The following SH3PXD2A variants were observed in gnomAD, a reference collection of about 807,000 sequenced individuals.
SH3PXD2A encodes the protein SH3 and PX domain-containing protein 2A.
Under a neutral mutation model 115.2 loss-of-function variants are expected in SH3PXD2A, and 32 were observed. The observed-to-expected ratio is 0.28, with a 90% CI of 0.21 to 0.37. The LOEUF is 0.37. SH3PXD2A is among the 10% of genes least tolerant of loss of function. The probability of loss-of-function intolerance (pLI) is 1.00; values close to 1 mark genes in which losing one functional copy is unlikely to be tolerated. For synonymous variants in SH3PXD2A, 610 were observed against 629.1 expected (o/e 0.97, Z 0.45); for missense variants, 1,328 against 1,498.7 (o/e 0.89, Z 1.88).
intron 1 of SH3PXD2A, among the ~76,000 whole-genome samples, chr10:103,846,509 C>A (rs1274592526): frequency 1.3e-5 from 2 of 152,184 alleles, no homozygotes; most frequent in East Asian, 3.8e-4. Flanking sequence ...GGGTCAGGAA[C>A]AACTCACTTT....
At chr10:103,630,122 C>T (rs2036757001) in intron 8 of SH3PXD2A, among the ~76,000 whole-genome samples, 1 of 152,284 alleles carries the variant, frequency 6.6e-6, no homozygotes, top group Admixed American at 6.5e-5. Flanking sequence ...CCTGGAGCAG[C>T]ACCACCATCC....
intron 1 of SH3PXD2A, among the ~76,000 whole-genome samples, chr10:103,852,720 T>C (rs1842907735): frequency 6.6e-6 from 1 of 152,250 alleles, no homozygotes; most frequent in Non-Finnish European, 1.5e-5. Context: ...CCTGCCCCTG[T>C]CTGTCCCACC....
At chr10:103,758,007 G>A (rs1564881923) in intron 3 of SH3PXD2A, among the ~76,000 whole-genome samples, 4 of 152,164 alleles carry the variant, frequency 2.6e-5, no homozygotes, top group Admixed American at 6.5e-5. Flanking sequence ...GTCCTCTCCC[G>A]TTGCACGCCA....
At chr10:103,622,045 G>A (rs930025889) in intron 10 of SH3PXD2A, among the ~76,000 whole-genome samples, 22 of 152,194 alleles carry the variant, frequency 1.4e-4, no homozygotes, top group South Asian at 2.1e-4. Context: ...AACTTTGGCC[G>A]AGGGAGCATT....
At chr10:103,823,540 A>T (rs772595884) in intron 1 of SH3PXD2A, among the ~76,000 whole-genome samples, 1 of 152,218 alleles carries the variant, frequency 6.6e-6, no homozygotes, top group African/African-American at 2.4e-5. Context: ...ACAGCCATAC[A>T]TCATTAAGCC....
intron 4 of SH3PXD2A, among the ~76,000 whole-genome samples, chr10:103,727,257 G>T (rs1214761455): frequency 6.6e-6 from 1 of 152,240 alleles, no homozygotes; most frequent in African/African-American, 2.4e-5. Flanking sequence ...GGTCAGATGG[G>T]TGGAGCATGC....
chr10:103,601,927 G>T lies in SH3PXD2A; in HGVS notation c.3291C>A (p.Ser1097=). 6.2e-7 allele frequency: 1 copy of T among 1,613,928 alleles called. No individual in the cohort carries two copies. The highest frequency in any genetic ancestry group is 1.1e-5 in the South Asian group (1 of 91,066). ...EETAGFQEGV[S]MEVLERNPNG... is the part of the protein sequence containing the mutation. ...TAGGGTTCCTCTCCAGAACCTCCAT[G>T]GACACCCCCTCCTGGAAGCCTGCTG... Residue 1097 remains serine, a synonymous_variant, in exon 15 of 15, where the codon TCC becomes TCA. Coordinates refer to ENST00000369774, the MANE Select transcript of SH3PXD2A (RefSeq NM_001394015.1).
At chr10:103,742,352 G>A (rs1002875104) in intron 3 of SH3PXD2A, among the ~76,000 whole-genome samples, 2 of 152,086 alleles carry the variant, frequency 1.3e-5, no homozygotes, top group Non-Finnish European at 2.9e-5. Context: ...TGGCCTTCCC[G>A]CCCCATGCCT....
At chr10:103,719,940 A>T (rs2038161678) in intron 5 of SH3PXD2A, among the ~76,000 whole-genome samples, 1 of 152,050 alleles carries the variant, frequency 6.6e-6, no homozygotes, top group South Asian at 2.1e-4. Flanking sequence ...GGCTGATTTC[A>T]AAGTCCTGAC....
Position 103,666,540 on chromosome 10 carries a change from A to G in SH3PXD2A, c.472+2068T>C, listed in dbSNP as rs2037385708. ...GGTGCCTCAGGACATGACATGGGAC[A>G]TAGTAATTACCTGAAATTCATGATG... On this transcript the variant is annotated intron_variant, in intron 7 of 14. Transcript: ENST00000369774. The surrounding 1 kb of genome is among the most constrained non-coding windows in gnomAD (Gnocchi z 4.5). 6.6e-6 allele frequency among the ~76,000 whole-genome samples: 1 copy of G among 152,340 alleles called. No homozygotes were observed. The highest frequency in any genetic ancestry group is 1.5e-5 in the Non-Finnish European group (1 of 68,034).
At chr10:103,693,870 G>A (rs2037792328) in intron 5 of SH3PXD2A, among the ~76,000 whole-genome samples, 1 of 152,176 alleles carries the variant, frequency 6.6e-6, no homozygotes, top group African/African-American at 2.4e-5. Context: ...GGGTTCAAAT[G>A]CTGTCAGAGA....
intron 6 of SH3PXD2A, among the ~76,000 whole-genome samples, chr10:103,674,929 C>T (rs1178609246): frequency 1.3e-5 from 2 of 152,196 alleles, no homozygotes; most frequent in Non-Finnish European, 2.9e-5. Context: ...GTATGACTTC[C>T]AATCCAAGCA....
chr10:103,730,158 A>G (rs1020013180), intron 4 of SH3PXD2A, among the ~76,000 whole-genome samples: 1 of 151,198 alleles, frequency 6.6e-6, no homozygotes, highest in African/African-American at 2.4e-5. Flanking sequence ...TTGGCAAAAC[A>G]CTACAGGTGC....
chr10:103,661,620 C>T, intron 7 of SH3PXD2A: 1 of 978,814 alleles, frequency 1.0e-6, no homozygotes, highest in African/African-American at 1.7e-5. Context: ...CAGCCTCTGC[C>T]CCCAACCCCT....
At chr10:103,668,699 GA>G (rs2134078055) in intron 6 of SH3PXD2A, 47 bp from the exon 7 acceptor site, 8 of 1,525,248 alleles carry the variant, frequency 5.2e-6, no homozygotes, top group Non-Finnish European at 6.2e-6. Flanking sequence ...GAGAACCAGA[GA>G]GAGAGAACGG....
Position 103,598,668 on chromosome 10 carries a change from A to G in SH3PXD2A, c.*3148T>C, listed in dbSNP as rs1330761228. 1 of 152,624 alleles carries G rather than the reference A, an allele frequency of 6.6e-6. No individual in the cohort carries two copies. The highest frequency in any genetic ancestry group is 1.5e-5 in the Non-Finnish European group (1 of 68,028). 9.5% of individuals were successfully genotyped at this position (152,624 alleles called of 1,614,324 possible). A position where few individuals can be genotyped will look rare whatever the true frequency, so the allele number is the denominator to read the frequency against. On this transcript the variant is annotated 3_prime_UTR_variant, in exon 15 of 15. Coordinates refer to ENST00000369774, the MANE Select transcript of SH3PXD2A (RefSeq NM_001394015.1). ...TCTGGTTTTCCTCCAGATGGGTCAGAGCCCTAGGCCCCCTCCCTCCTCTGC... is the reference window on the plus strand; with the variant it reads ...TCTGGTTTTCCTCCAGATGGGTCAGGGCCCTAGGCCCCCTCCCTCCTCTGC...
chr10:103,794,993 G>A (rs2039072619), intron 2 of SH3PXD2A, among the ~76,000 whole-genome samples: 1 of 152,160 alleles, frequency 6.6e-6, no homozygotes, highest in African/African-American at 2.4e-5. Flanking sequence ...GGGCTGGGAG[G>A]TGACAGATCA....
At chr10:103,711,502 C>T (rs2038046333) in intron 5 of SH3PXD2A, among the ~76,000 whole-genome samples, 1 of 152,224 alleles carries the variant, frequency 6.6e-6, no homozygotes, top group South Asian at 2.1e-4. Flanking sequence ...CCTCCCCCTT[C>T]ACCCTGGGCG....
At chr10:103,681,567 A>T (rs991029763) in intron 6 of SH3PXD2A, among the ~76,000 whole-genome samples, 2 of 152,250 alleles carry the variant, frequency 1.3e-5, no homozygotes, top group African/African-American at 4.8e-5. Flanking sequence ...AACATGGTGT[A>T]ACCCTGTCTC....
Sources: allele counts gnomAD v4.1 joint callset (sites outside exome capture counted in the v4.1 genomes callset), GRCh38; gene constraint gnomAD v4.1.1; non-coding constraint Gnocchi (gnomAD v3.1); transcripts MANE v1.5; gene names NCBI Gene and HGNC (gene_info 2026-07-23, HGNC 2026-07-21).